Variants in RALGAPA1 observed in about 807,000 individuals in gnomAD.
RALGAPA1 encodes the protein Ral GTPase activating protein catalytic subunit alpha 1, also known as ral GTPase-activating protein subunit alpha-1.
A neutral mutation model predicts 269.6 loss-of-function variants in RALGAPA1; 52 were observed. The observed-to-expected ratio is 0.19, with a 90% CI of 0.15 to 0.24. The LOEUF is 0.24. Among genes scored for constraint, RALGAPA1 ranks in the 10% least tolerant of loss-of-function variants. The pLI, the probability that RALGAPA1 is intolerant of heterozygous loss-of-function variation, is 1.00. For missense variants in RALGAPA1, 1,917 were observed against 3,013.9 expected, an observed-to-expected ratio of 0.64 and a Z score of 8.52; for synonymous variants, 817 against 1,008.3, an observed-to-expected ratio of 0.81 and a Z score of 3.60.
chr14:35,616,734 C>G (rs1417866591), intron 35 of RALGAPA1, among the ~76,000 whole-genome samples: 1 of 152,132 alleles, frequency 6.6e-6, no homozygotes, highest in Non-Finnish European at 1.5e-5. Context: ...TAAATTTAAT[C>G]AGATAAATTA....
At chr14:35,642,923 G>T (rs11846448) in intron 31 of RALGAPA1, among the ~76,000 whole-genome samples, 1 of 152,060 alleles carries the variant, frequency 6.6e-6, no homozygotes. Context: ...GCAAAGACTT[G>T]GAACCAACTC....
chr14:35,777,510 A>G (rs1361563718), intron 1 of RALGAPA1, among the ~76,000 whole-genome samples: 3 of 152,144 alleles, frequency 2.0e-5, no homozygotes, highest in African/African-American at 7.2e-5. Context: ...ACTATTCCAA[A>G]TTGTTTACAA....
chr14:35,603,523 A>G (rs149330091), intron 36 of RALGAPA1, among the ~76,000 whole-genome samples: 1 of 152,192 alleles, frequency 6.6e-6, no homozygotes, highest in Non-Finnish European at 1.5e-5. Context: ...GGAAATCAGT[A>G]TATCAAACAG....
intron 22 of RALGAPA1, chr14:35,676,438 C>T: frequency 6.6e-6 from 1 of 152,252 alleles, no homozygotes; most frequent in East Asian, 1.9e-4. Flanking sequence ...TCTCGAACTC[C>T]TGACCTCAGG....
intron 39 of RALGAPA1, among the ~76,000 whole-genome samples, chr14:35,549,989 T>C (rs1459355877): frequency 6.6e-6 from 1 of 152,200 alleles, no homozygotes; most frequent in Non-Finnish European, 1.5e-5. Context: ...TGTAGTTCCT[T>C]TTCACCACAT....
chr14:35,625,150 C>CA (rs35013388), intron 35 of RALGAPA1, among the ~76,000 whole-genome samples: 3,016 of 56,664 alleles, frequency 0.053, 74 homozygotes, highest in South Asian at 0.12. Flanking sequence ...GACTCTGTCT[C>CA]AAAAAAAAAA....
chr14:35,540,866 T>C (rs919136520), intron 41 of RALGAPA1, among the ~76,000 whole-genome samples: 5 of 152,148 alleles, frequency 3.3e-5, no homozygotes, highest in African/African-American at 9.7e-5. Flanking sequence ...TAGCACCTCA[T>C]TGATACTTCA....
chr14:35,541,699 C>T (rs967059245), intron 41 of RALGAPA1: 3 of 456,308 alleles, frequency 6.6e-6, no homozygotes, highest in African/African-American at 6.0e-5. Flanking sequence ...TAATGCATAT[C>T]ATTCCCGGCC....
At chr14:35,545,720 A>C (rs2054395901) in intron 41 of RALGAPA1, among the ~76,000 whole-genome samples, 1 of 152,034 alleles carries the variant, frequency 6.6e-6, no homozygotes, top group South Asian at 2.1e-4. Context: ...TTTACTATAC[A>C]CTTTCAGCAA....
At chr14:35,804,405 C>G (rs535273223) in intron 1 of RALGAPA1, among the ~76,000 whole-genome samples, 5 of 150,694 alleles carry the variant, frequency 3.3e-5, no homozygotes, top group Admixed American at 6.6e-5. Context: ...CCTGTCTCTA[C>G]TAAAAATACA....
At chr14:35,656,196 T>C (rs1167916013) in intron 28 of RALGAPA1, among the ~76,000 whole-genome samples, 1 of 152,306 alleles carries the variant, frequency 6.6e-6, no homozygotes, top group Admixed American at 6.5e-5. Context: ...TAGACTGACA[T>C]TGCTATCAAG....
intron 16 of RALGAPA1, among the ~76,000 whole-genome samples, chr14:35,717,559 C>A (rs555183722): frequency 1.3e-5 from 2 of 151,982 alleles, no homozygotes; most frequent in African/African-American, 2.4e-5. Context: ...GAAGTTCCAA[C>A]TTATTTTATT....
intron 1 of RALGAPA1, among the ~76,000 whole-genome samples, chr14:35,791,672 T>C (rs562562141): frequency 3.3e-5 from 5 of 151,188 alleles, no homozygotes; most frequent in African/African-American, 9.7e-5. Flanking sequence ...TTTGGGAGGC[T>C]GAGGTGGGCG....
At chr14:35,685,325 T>C (rs2065827439) in intron 19 of RALGAPA1, among the ~76,000 whole-genome samples, 180 bp from the exon 20 acceptor site, 1 of 152,132 alleles carries the variant, frequency 6.6e-6, no homozygotes, top group Non-Finnish European at 1.5e-5. Flanking sequence ...TGACCTATTG[T>C]TGGTCTGCCT....
intron 3 of RALGAPA1, among the ~76,000 whole-genome samples, chr14:35,773,613 A>G (rs1273596787): frequency 1.3e-5 from 2 of 152,170 alleles, no homozygotes; most frequent in Non-Finnish European, 2.9e-5. Context: ...ACTTTCCAAG[A>G]ATCATTAGCT....
chr14:35,725,216 A>C (rs1259208238), intron 13 of RALGAPA1, 63 bp from the exon 14 acceptor site: 1 of 1,242,456 alleles, frequency 8.0e-7, no homozygotes, highest in Non-Finnish European at 1.1e-6. Flanking sequence ...GTTAATAGTT[A>C]ACTTTCAAAT....
At chr14:35,596,828 T>C (rs1473823616) in intron 36 of RALGAPA1, among the ~76,000 whole-genome samples, 1 of 152,212 alleles carries the variant, frequency 6.6e-6, no homozygotes, top group African/African-American at 2.4e-5. Flanking sequence ...TAAGTATCTT[T>C]AGAAAAATAT....
At chr14:35,625,166 A>T (rs1486711286) in intron 35 of RALGAPA1, among the ~76,000 whole-genome samples, 195 bp downstream of exon 35, 1 of 151,460 alleles carries the variant, frequency 6.6e-6, no homozygotes, top group African/African-American at 2.4e-5. Context: ...AAAAAAAAAA[A>T]AAAAAAAGGC....
At chr14:35,651,392 G>A (rs1055576289) in intron 31 of RALGAPA1, among the ~76,000 whole-genome samples, 5 of 152,062 alleles carry the variant, frequency 3.3e-5, no homozygotes, top group African/African-American at 9.7e-5. Context: ...GAATGTTTTC[G>A]CAGACACAGG....
Sources: allele counts gnomAD v4.1 joint callset (sites outside exome capture counted in the v4.1 genomes callset), GRCh38; gene constraint gnomAD v4.1.1; transcripts MANE v1.5; gene names NCBI Gene and HGNC (gene_info 2026-07-23, HGNC 2026-07-21).